Variants in CDC42BPA observed in about 807,000 individuals in gnomAD.
CDC42BPA encodes the protein serine/threonine-protein kinase MRCK alpha.
A neutral mutation model predicts 223.5 loss-of-function variants in CDC42BPA; 80 were observed. That is an observed-to-expected ratio of 0.36 (90% CI 0.30 to 0.43). The LOEUF is 0.43. Among genes scored for constraint, CDC42BPA ranks in the 20% least tolerant of loss-of-function variants. The probability of loss-of-function intolerance (pLI) is 1.00; values close to 1 mark genes in which losing one functional copy is unlikely to be tolerated. For synonymous variants in CDC42BPA, 694 were observed against 718.6 expected, an observed-to-expected ratio of 0.97 and a Z score of 0.55; for missense variants, 1,743 against 2,099.9, an observed-to-expected ratio of 0.83 and a Z score of 3.32.
At chr1:227,096,596 A>G (rs1378226943) in intron 15 of CDC42BPA, among the ~76,000 whole-genome samples, 1 of 152,210 alleles carries the variant, frequency 6.6e-6, no homozygotes, top group Non-Finnish European at 1.5e-5. Context: ...CACTTTTGAC[A>G]GTGTTGTCCA....
intron 16 of CDC42BPA, among the ~76,000 whole-genome samples, chr1:227,090,876 C>T (rs1434076906): frequency 6.6e-6 from 1 of 152,078 alleles, no homozygotes; most frequent in Non-Finnish European, 1.5e-5. Context: ...GGAATTAGCA[C>T]AAGAAATGCA....
intron 2 of CDC42BPA, among the ~76,000 whole-genome samples, chr1:227,221,981 G>A (rs747607385): frequency 1.4e-5 from 2 of 144,950 alleles, no homozygotes; most frequent in Non-Finnish European, 3.0e-5. Flanking sequence ...TTGGGAGGCT[G>A]CAGAGGGAAG....
chr1:227,089,689 T>C (rs1188022352), intron 16 of CDC42BPA, among the ~76,000 whole-genome samples: 1 of 149,224 alleles, frequency 6.7e-6, no homozygotes, highest in Non-Finnish European at 1.5e-5. Flanking sequence ...CAAGGAGGCT[T>C]CATTACATAT....
intron 2 of CDC42BPA, among the ~76,000 whole-genome samples, chr1:227,247,787 C>A (rs1681247404): frequency 6.6e-6 from 1 of 151,986 alleles, no homozygotes; most frequent in Non-Finnish European, 1.5e-5. Context: ...GAGGCTGAAG[C>A]AGGAGAATCG....
At position 226,994,604 on chromosome 1, in the gene CDC42BPA, A is replaced by G. The variant is rs1357835133; in HGVS notation, c.5134-205T>C. 2.0e-5 allele frequency among the ~76,000 whole-genome samples: 3 copies of G among 152,082 alleles called. No homozygotes were observed. Among genetic ancestry groups the G allele is most frequent in the Non-Finnish European group, 4.4e-5 (3 of 68,002 alleles). On this transcript the variant is annotated intron_variant, in intron 36 of 36. Transcript: ENST00000366766. The surrounding 1 kb of genome is among the most constrained non-coding windows in gnomAD (Gnocchi z 4.0). ...TCCTTTCTGTAGGCCTTTACAGATG[A>G]TGGTATTTTCACACAAAAGCCAGAA...
intron 2 of CDC42BPA, among the ~76,000 whole-genome samples, chr1:227,218,102 T>C (rs768830320): frequency 6.6e-5 from 10 of 151,958 alleles, no homozygotes; most frequent in Non-Finnish European, 1.5e-4. Context: ...ACTGGTAATC[T>C]ATGTGGGTGT....
At chr1:227,042,125 CT>C (rs1671490450) in intron 23 of CDC42BPA, among the ~76,000 whole-genome samples, 1 of 152,020 alleles carries the variant, frequency 6.6e-6, no homozygotes, top group African/African-American at 2.4e-5. Flanking sequence ...GTCCTAGAGG[CT>C]TTGAATACAA....
intron 29 of CDC42BPA, 68 bp from the exon 30 acceptor site, chr1:227,029,318 A>G: frequency 9.6e-7 from 1 of 1,036,500 alleles, no homozygotes; most frequent in Non-Finnish European, 1.4e-6. Context: ...ATTATACTCA[A>G]AAGGATGTAA....
intron 4 of CDC42BPA, among the ~76,000 whole-genome samples, 174 bp downstream of exon 4, chr1:227,199,383 G>T (rs1167542857): frequency 6.6e-6 from 1 of 151,772 alleles, no homozygotes; most frequent in Admixed American, 6.6e-5. Context: ...CAATGAAAAG[G>T]TATCAAATTT....
Position 226,994,997 on chromosome 1 carries a change from A to G in CDC42BPA, c.4976-17T>C. On this transcript the variant is annotated splice_polypyrimidine_tract_variant and intron_variant, in intron 35 of 36. Transcript: ENST00000366766. The surrounding 1 kb of genome is among the most constrained non-coding windows in gnomAD (Gnocchi z 4.0). ...CGGATGACCCTACAGTACATCATGC[A>G]GGCAAAATTTTACATATGCAGAGGG... 4 of 1,606,316 alleles carry G rather than the reference A, an allele frequency of 2.5e-6. No individual in the cohort carries two copies. The highest frequency in any genetic ancestry group is 3.4e-6 in the Non-Finnish European group (4 of 1,175,414).
intron 21 of CDC42BPA, among the ~76,000 whole-genome samples, chr1:227,061,235 C>A (rs1291890325): frequency 6.6e-6 from 1 of 152,130 alleles, no homozygotes; most frequent in Non-Finnish European, 1.5e-5. Flanking sequence ...CAAAACCAAA[C>A]AACCAAACAA....
At chr1:227,034,089 T>A (rs1047263289) in intron 26 of CDC42BPA, among the ~76,000 whole-genome samples, 11 of 152,184 alleles carry the variant, frequency 7.2e-5, no homozygotes, top group Admixed American at 3.3e-4. Flanking sequence ...GATGGATATA[T>A]CTGAACTGGA....
At chr1:227,163,124 C>A (rs36133891) in intron 5 of CDC42BPA, among the ~76,000 whole-genome samples, 16,861 of 97,686 alleles carry the variant, frequency 0.17, 1,211 homozygotes, top group South Asian at 0.29. Context: ...GTGTATGTTT[C>A]CAAACATATG....
chr1:227,154,087 T>C (rs1253518716), intron 6 of CDC42BPA, among the ~76,000 whole-genome samples: 1 of 151,958 alleles, frequency 6.6e-6, no homozygotes, highest in Non-Finnish European at 1.5e-5. Context: ...AACATCTTGA[T>C]AAAGTCATAT....
intron 30 of CDC42BPA, 74 bp from the exon 31 acceptor site, chr1:227,026,226 C>T: frequency 2.6e-6 from 2 of 760,134 alleles, no homozygotes; most frequent in Admixed American, 5.1e-5. Flanking sequence ...GAAAGGTCTA[C>T]ACTAAATAAC....
intron 1 of CDC42BPA, among the ~76,000 whole-genome samples, chr1:227,256,673 A>C (rs996784991): frequency 1.3e-5 from 2 of 152,244 alleles, no homozygotes; most frequent in Admixed American, 6.5e-5. Context: ...GGATGTGGAG[A>C]AACTGGAACC....
At chr1:227,179,635 CAAA>C (rs59744442) in intron 5 of CDC42BPA, among the ~76,000 whole-genome samples, 260 of 34,198 alleles carry the variant, frequency 7.6e-3, no homozygotes, top group African/African-American at 0.029. Flanking sequence ...GCCTCCATCT[CAAA>C]AAAAAAAAAA....
At chr1:227,194,881 C>T (rs1275703238) in intron 4 of CDC42BPA, among the ~76,000 whole-genome samples, 1 of 152,056 alleles carries the variant, frequency 6.6e-6, no homozygotes, top group South Asian at 2.1e-4. Context: ...TACCTAACTA[C>T]AATAATGATA....
At chr1:227,262,088 G>A (rs1407926917) in intron 1 of CDC42BPA, among the ~76,000 whole-genome samples, 1 of 151,980 alleles carries the variant, frequency 6.6e-6, no homozygotes, top group Non-Finnish European at 1.5e-5. Flanking sequence ...ACACCAAAAT[G>A]GGGAAAGTTG....
Sources: gnomAD v4.1 joint callset for allele counts (sites outside exome capture counted in the v4.1 genomes callset) on GRCh38, gnomAD v4.1.1 for gene constraint, Gnocchi (gnomAD v3.1) non-coding constraint, MANE v1.5 for transcripts, NCBI Gene and HGNC (gene_info 2026-07-23, HGNC 2026-07-21) for gene names.